Variants in UBE2O observed in about 807,000 individuals in gnomAD.
The protein encoded by UBE2O is (E3-independent) E2 ubiquitin-conjugating enzyme.
Under a neutral mutation model 125.8 loss-of-function variants are expected in UBE2O, and 15 were observed. The ratio of observed to expected loss-of-function variants is 0.12; its 90% confidence interval spans 0.08 to 0.18. The LOEUF (loss-of-function observed/expected upper bound fraction) is 0.18, where lower values mean the gene tolerates loss of function less well. Among genes scored for constraint, UBE2O ranks in the 10% least tolerant of loss-of-function variants. The pLI, the probability that UBE2O is intolerant of heterozygous loss-of-function variation, is 1.00. For missense variants in UBE2O, 1,280 were observed against 1,723.6 expected, an observed-to-expected ratio of 0.74 and a Z score of 4.56; for synonymous variants, 708 against 703.2, an observed-to-expected ratio of 1.01 and a Z score of -0.11.
In UBE2O at chr17:76,403,587, A is replaced by C. The variant is rs145213697; in HGVS notation, c.589-888T>G. Among the ~76,000 whole-genome samples, 851 of 152,232 alleles carry C rather than the reference A, an allele frequency of 5.6e-3. 6 individuals carry two copies. Among genetic ancestry groups the C allele is most frequent in the African/African-American group, 0.02 (813 of 41,536 alleles). On this transcript the variant is annotated intron_variant, in intron 3 of 17. Transcript: ENST00000319380. Reference sequence around the variant, plus strand: ...GCGCCCGTGAACTCTGCCTGAACTCATATATTTTAATATACACATAGAGCA... The same window carrying C: ...GCGCCCGTGAACTCTGCCTGAACTCCTATATTTTAATATACACATAGAGCA...
In UBE2O at chr17:76,391,716, GC is replaced by G. The variant is rs752978918; in HGVS notation, c.3208+39del. Reference sequence around the variant, plus strand: ...CTATCAGAGTCACTTTCCTCCACCGGCCCTCCCTTGTCCGCACCCCCGCTTC... The same window carrying G: ...CTATCAGAGTCACTTTCCTCCACCGGCCTCCCTTGTCCGCACCCCCGCTTC... On this transcript the variant is annotated intron_variant, in intron 17 of 17. Transcript: ENST00000319380. The surrounding 1 kb of genome is among the most constrained non-coding windows in gnomAD (Gnocchi z 8.4). 4.3e-4 allele frequency: 697 copies of G among 1,611,956 alleles called. No individual in the cohort carries two copies. The highest frequency in any genetic ancestry group is 5.6e-4 in the Non-Finnish European group (655 of 1,178,736).
At chr17:76,446,405 T>TA (rs1029934172) in intron 1 of UBE2O, among the ~76,000 whole-genome samples, 38 of 149,590 alleles carry the variant, frequency 2.5e-4, no homozygotes, top group Admixed American at 2.3e-3. Context: ...GGTTAAGTAG[T>TA]AAAAAATAGA....
At position 76,396,498 on chromosome 17, in the gene UBE2O, C is replaced by T. The variant is rs756119498; in HGVS notation, c.2439G>A (p.Glu813=). ...CCAGGATCTTGATGGCCTCTTTCAA[C>T]TCCCGGAAGCTCTTGGGTGGCCCGT... is the stretch of plus-strand genomic sequence containing the variant. ...GKDGPPKSFR[E]LKEAIKILES... The change falls in exon 14 of 18, where the codon GAG becomes GAA. Residue 813 remains glutamate, a synonymous_variant. Transcript: ENST00000319380. This position sits in a 1 kb window ranked among gnomAD's most constrained non-coding sequence, Gnocchi z 6.7. 91 of 1,613,832 alleles carry T rather than the reference C, an allele frequency of 5.6e-5. No individual in the cohort carries two copies. The highest frequency in any genetic ancestry group is 7.4e-5 in the Non-Finnish European group (87 of 1,179,990).
At chr17:76,411,174 G>C (rs944798027) in intron 1 of UBE2O, among the ~76,000 whole-genome samples, 1 of 152,022 alleles carries the variant, frequency 6.6e-6, no homozygotes, top group African/African-American at 2.4e-5. Context: ...ACCATGCTTG[G>C]CTAATTTTTG....
chr17:76,438,031 C>T (rs1429509877), intron 1 of UBE2O, among the ~76,000 whole-genome samples: 1 of 152,208 alleles, frequency 6.6e-6, no homozygotes, highest in African/African-American at 2.4e-5. Context: ...CCTCTGTCCA[C>T]ACTGCTATTA....
At position 76,395,995 on chromosome 17, in the gene UBE2O, G is replaced by A; in HGVS notation, c.2809+133C>T. ...CTGGCCTCAGCACTGTGACCACACA[G>A]GGAAATGGTTTGCCCTGGGGCAGTA... On this transcript the variant is annotated intron_variant, in intron 14 of 17. Coordinates refer to ENST00000319380, the MANE Select transcript of UBE2O (RefSeq NM_022066.4). This position sits in a 1 kb window ranked among gnomAD's most constrained non-coding sequence, Gnocchi z 5.0. The A allele has an allele frequency of 6.6e-7, 1 of 1,503,874 alleles. No homozygotes were observed. Among genetic ancestry groups the A allele is most frequent in the Non-Finnish European group, 9.1e-7 (1 of 1,102,576 alleles). The allele number at this position is 1,503,874 out of a possible 1,614,324, so 93.2% of individuals were successfully genotyped here. A position where few individuals can be genotyped will look rare whatever the true frequency, so the allele number is the denominator to read the frequency against.
In UBE2O at chr17:76,396,857, A is replaced by C. The variant is rs2072219304; in HGVS notation, c.2116-36T>G. ...AAGGGAAGTGCCAGGGTAAGCAGACAGGAAGTCACCTCCCCACCACTAAGG... is the reference window on the plus strand; with the variant it reads ...AAGGGAAGTGCCAGGGTAAGCAGACCGGAAGTCACCTCCCCACCACTAAGG... On this transcript the variant is annotated intron_variant, in intron 13 of 17. Transcript: ENST00000319380. This position sits in a 1 kb window ranked among gnomAD's most constrained non-coding sequence, Gnocchi z 6.7. 2 of 1,534,368 alleles carry C rather than the reference A, an allele frequency of 1.3e-6. No individual in the cohort carries two copies. Among genetic ancestry groups the C allele is most frequent in the Non-Finnish European group, 1.8e-6 (2 of 1,135,940 alleles).
rs148532325 is a variant in UBE2O, at chr17:76,434,395, C to T, written c.417+18330G>A. On this transcript the variant is annotated intron_variant, in intron 1 of 17. Transcript: ENST00000319380. ...GAAACGGAGAGGAAGGAAACCCCAA[C>T]GCGTAGGAAACACAGTCCTACCCTG... Among the ~76,000 whole-genome samples the T allele has an allele frequency of 2.8e-4, 43 of 152,232 alleles. No individual in the cohort carries two copies. In the East Asian group the frequency reaches 3.1e-3, roughly 11 times the overall value.
chr17:76,413,050 C>T (rs1024066806), intron 1 of UBE2O, among the ~76,000 whole-genome samples: 11 of 152,080 alleles, frequency 7.2e-5, no homozygotes, highest in Non-Finnish European at 1.2e-4. Context: ...ACAAAAAAAC[C>T]CAACTCAGTT....
At chr17:76,450,791 T>G (rs2073227713) in intron 1 of UBE2O, among the ~76,000 whole-genome samples, 1 of 152,124 alleles carries the variant, frequency 6.6e-6, no homozygotes, top group Non-Finnish European at 1.5e-5. Flanking sequence ...CCAGCTAATT[T>G]TGTATTTTTA....
rs1421660989 is a variant in UBE2O at position 76,436,699 on chromosome 17, C to T, written c.417+16026G>A. Among the ~76,000 whole-genome samples, 3 of 152,316 alleles carry T rather than the reference C, an allele frequency of 2.0e-5. No individual in the cohort carries two copies. In the East Asian group the frequency reaches 5.8e-4, roughly 29 times the overall value. On this transcript the variant is annotated intron_variant, in intron 1 of 17. Coordinates refer to ENST00000319380, the MANE Select transcript of UBE2O (RefSeq NM_022066.4). ...TCCCAAACTGCCTCTCTTTACAAAG[C>T]ATCCTACTTGACCCCTTGCCCTGAC... is the stretch of plus-strand genomic sequence containing the variant.
chr17:76,426,328 C>T lies in UBE2O; in HGVS notation c.418-20756G>A, dbSNP rs78488375. Reference sequence around the variant, plus strand: ...AAGAACTTTTTTCTACTCTACTTGACGTAGTTGGGCTGGATACGGAATTCT... The same window carrying T: ...AAGAACTTTTTTCTACTCTACTTGATGTAGTTGGGCTGGATACGGAATTCT... On this transcript the variant is annotated intron_variant, in intron 1 of 17. Transcript: ENST00000319380. Among the ~76,000 whole-genome samples the T allele has an allele frequency of 6.1e-3, 922 of 152,266 alleles. 6 individuals carry two copies. Among genetic ancestry groups the T allele is most frequent in the African/African-American group, 0.021 (890 of 41,540 alleles).
intron 1 of UBE2O, among the ~76,000 whole-genome samples, chr17:76,425,062 G>A (rs1474243788): frequency 2.0e-5 from 3 of 150,650 alleles, no homozygotes; most frequent in Non-Finnish European, 4.4e-5. Context: ...TAGTAGAGAC[G>A]GGATTTGACC....
At chr17:76,420,497 C>T (rs746176496) in intron 1 of UBE2O, among the ~76,000 whole-genome samples, 2 of 152,154 alleles carry the variant, frequency 1.3e-5, no homozygotes, top group African/African-American at 2.4e-5. Context: ...AACACACCAC[C>T]GAGCAACCCT....
intron 1 of UBE2O, among the ~76,000 whole-genome samples, chr17:76,407,480 G>T (rs1335692802): frequency 6.6e-6 from 1 of 152,182 alleles, no homozygotes; most frequent in African/African-American, 2.4e-5. Context: ...GAAGCCAGAA[G>T]CGGCAGGACA....
chr17:76,390,992 CG>C lies in UBE2O; in HGVS notation c.3829del (p.Arg1277GlyfsTer5), dbSNP rs2072100574. 6.2e-7 allele frequency: 1 copy of C among 1,613,326 alleles called. No homozygotes were observed. The highest frequency in any genetic ancestry group is 8.5e-7 in the Non-Finnish European group (1 of 1,179,778). On this transcript the variant is annotated frameshift_variant, in exon 18 of 18. Coordinates refer to ENST00000319380, the MANE Select transcript of UBE2O (RefSeq NM_022066.4). LOFTEE classifies it high-confidence loss of function. ...CATGCCTGCCTCTAGCAGGGCAGCCCGGAACTGCGTCAGGACACCCCGGATG... is the reference window on the plus strand; with the variant it reads ...CATGCCTGCCTCTAGCAGGGCAGCCCGAACTGCGTCAGGACACCCCGGATG... ...KSIRGVLTQF[R>X]AALLEAGMPE...
chr17:76,398,601 AG>A lies in UBE2O; in HGVS notation c.1784-18del. On this transcript the variant is annotated intron_variant, in intron 10 of 17. Coordinates refer to ENST00000319380, the MANE Select transcript of UBE2O (RefSeq NM_022066.4). The surrounding 1 kb of genome is among the most constrained non-coding windows in gnomAD (Gnocchi z 5.4). ...AGCTCTGGACTAGGGAACCAGAGAA[AG>A]GGAAGTGACTAGCTAAGGGATCCCG... 6.2e-7 allele frequency: 1 copy of A among 1,611,078 alleles called. No individual in the cohort carries two copies. Among genetic ancestry groups the A allele is most frequent in the Non-Finnish European group, 8.5e-7 (1 of 1,177,520 alleles).
intron 1 of UBE2O, among the ~76,000 whole-genome samples, chr17:76,423,451 C>T (rs573138002): frequency 2.4e-4 from 36 of 151,744 alleles, no homozygotes; most frequent in African/African-American, 7.0e-4. Flanking sequence ...CCCAGCACTT[C>T]GGGAGGCCGA....
At position 76,399,527 on chromosome 17, in the gene UBE2O, G is replaced by C; in HGVS notation, c.1550C>G (p.Pro517Arg). 1 of 1,614,072 alleles carries C rather than the reference G, an allele frequency of 6.2e-7. No individual in the cohort carries two copies. Among genetic ancestry groups the C allele is most frequent in the African/African-American group, 1.3e-5 (1 of 74,916 alleles). The change falls in exon 9 of 18, where the codon CCC (proline) becomes CGC (arginine). Residue 517 changes from proline (P) to arginine (R), a missense_variant. Pro to Arg is a moderately radical substitution (Grantham distance 103, BLOSUM62 -2). Coordinates refer to ENST00000319380, the MANE Select transcript of UBE2O (RefSeq NM_022066.4). This position sits in a 1 kb window ranked among gnomAD's most constrained non-coding sequence, Gnocchi z 6.9. ...GCGCTTTAAGTTCTTGATGGACAAG[G>C]GGATGCTCTTTTTGCGACTCGTGCC... is the stretch of plus-strand genomic sequence containing the variant. ...GSGTSRKKSI[P>R]LSIKNLKRKH... is the part of the protein sequence containing the mutation.
Sources: allele counts gnomAD v4.1 joint callset (sites outside exome capture counted in the v4.1 genomes callset), GRCh38; gene constraint gnomAD v4.1.1; non-coding constraint Gnocchi (gnomAD v3.1); transcripts MANE v1.5; gene names NCBI Gene and HGNC (gene_info 2026-07-23, HGNC 2026-07-21).